Variants in NCALD observed in about 807,000 individuals in gnomAD.
NCALD encodes the protein neurocalcin delta.
A neutral mutation model predicts 18.6 loss-of-function variants in NCALD; 10 were observed. The ratio of observed to expected loss-of-function variants is 0.54; its 90% CI spans 0.33 to 0.91. NCALD has a LOEUF of 0.91. Ranked by LOEUF, NCALD falls within the 40% of genes least tolerant of loss-of-function variation. The probability of loss-of-function intolerance (pLI) is 0.03; values close to 1 mark genes in which losing one functional copy is unlikely to be tolerated. For synonymous variants in NCALD, 88 were observed against 87.4 expected, an observed-to-expected ratio of 1.01 and a Z score of -0.04; for missense variants, 184 against 247.6, an observed-to-expected ratio of 0.74 and a Z score of 1.72.
chr8:102,057,179 G>A (rs1166114239), intron 1 of NCALD, among the ~76,000 whole-genome samples: 11 of 151,552 alleles, frequency 7.3e-5, no homozygotes, highest in South Asian at 2.1e-4. Flanking sequence ...TCTACTCTTC[G>A]TGCTCCCCTT....
chr8:102,052,693 G>C (rs769879192), intron 1 of NCALD, among the ~76,000 whole-genome samples: 2 of 152,160 alleles, frequency 1.3e-5, no homozygotes, highest in Non-Finnish European at 2.9e-5. Flanking sequence ...GCATGAAACT[G>C]GCCAACTTTT....
At chr8:101,861,230 T>C (rs1259277951) in intron 4 of NCALD, among the ~76,000 whole-genome samples, 1 of 152,012 alleles carries the variant, frequency 6.6e-6, no homozygotes, top group Non-Finnish European at 1.5e-5. Context: ...AAAACTAATA[T>C]GGGCAACTTT....
chr8:101,766,849 G>C (rs1400090114), intron 1 of NCALD, among the ~76,000 whole-genome samples: 1 of 152,192 alleles, frequency 6.6e-6, no homozygotes, highest in African/African-American at 2.4e-5. Context: ...AAAGTGCTGG[G>C]ATTACAAGCG....
chr8:101,858,743 A>G (rs1815421280), intron 4 of NCALD, among the ~76,000 whole-genome samples: 1 of 152,184 alleles, frequency 6.6e-6, no homozygotes, highest in Non-Finnish European at 1.5e-5. Flanking sequence ...TGTCTGGATG[A>G]TAGCCCCACG....
intron 3 of NCALD, chr8:101,690,557 C>A (rs1052259612): frequency 1.0e-6 from 1 of 985,394 alleles, no homozygotes; most frequent in Non-Finnish European, 1.2e-6. Context: ...TTACTCCAAA[C>A]CTGACAGGAG....
intron 4 of NCALD, among the ~76,000 whole-genome samples, chr8:101,817,584 A>G (rs539106389): frequency 0.019 from 2,952 of 152,018 alleles, 48 homozygotes; most frequent in Middle Eastern, 0.037. Flanking sequence ...ACCAAAAAAA[A>G]AAGGAAAGAG....
At chr8:102,083,270 T>A (rs1824610927) in intron 1 of NCALD, among the ~76,000 whole-genome samples, 1 of 152,228 alleles carries the variant, frequency 6.6e-6, no homozygotes, top group African/African-American at 2.4e-5. Flanking sequence ...TTGAAATAAT[T>A]TATAAATAGC....
At chr8:101,843,614 T>C (rs1814742681) in intron 4 of NCALD, among the ~76,000 whole-genome samples, 2 of 148,910 alleles carry the variant, frequency 1.3e-5, no homozygotes, top group African/African-American at 5.1e-5. Flanking sequence ...TCTTGCTCTG[T>C]CACACAGGCT....
At chr8:101,888,788 T>C (rs1470752159) in intron 3 of NCALD, among the ~76,000 whole-genome samples, 1 of 152,192 alleles carries the variant, frequency 6.6e-6, no homozygotes, top group Non-Finnish European at 1.5e-5. Flanking sequence ...GTTTATTAAA[T>C]ACATTTTACA....
intron 1 of NCALD, among the ~76,000 whole-genome samples, chr8:102,096,045 A>T (rs565169230): frequency 4.9e-4 from 75 of 152,328 alleles, no homozygotes; most frequent in Middle Eastern, 3.4e-3. Flanking sequence ...CCCTGCCTCT[A>T]ATAATGAAGA....
intron 1 of NCALD, among the ~76,000 whole-genome samples, chr8:102,040,554 A>C (rs372846778): frequency 6.6e-6 from 1 of 152,218 alleles, no homozygotes; most frequent in Non-Finnish European, 1.5e-5. Context: ...AACCTAGAGA[A>C]AGGTAACCTG....
At chr8:101,759,951 G>T (rs537622080) in intron 1 of NCALD, among the ~76,000 whole-genome samples, 3 of 152,242 alleles carry the variant, frequency 2.0e-5, no homozygotes, top group African/African-American at 7.2e-5. Context: ...TAAGGGCAGT[G>T]GCGCTTGCAT....
intron 2 of NCALD, among the ~76,000 whole-genome samples, chr8:101,939,646 A>G (rs1334507744): frequency 1.3e-5 from 2 of 152,268 alleles, no homozygotes; most frequent in Non-Finnish European, 2.9e-5. Context: ...AACCCTATCC[A>G]AATAGCTACA....
At position 101,688,911 on chromosome 8, in the gene NCALD, A is replaced by G. The variant is rs1457121378; in HGVS notation, c.*398T>C. The stretch of plus-strand genomic sequence containing the variant: ...CTACGGCACGTGTGACAACAGATTC[A>G]GGTGGGGAGTTTTGTCTTTCAAACA... On this transcript the variant is annotated 3_prime_UTR_variant, in exon 4 of 4. Coordinates refer to ENST00000220931, the MANE Select transcript of NCALD (RefSeq NM_032041.3). The G allele has an allele frequency of 4.8e-6, 3 of 624,074 alleles. No homozygotes were observed. Among genetic ancestry groups the G allele is most frequent in the Non-Finnish European group, 8.5e-6 (3 of 351,686 alleles). The allele number at this position is 624,074 out of a possible 1,614,324, so 38.7% of individuals were successfully genotyped here. A position where few individuals can be genotyped will look rare whatever the true frequency, so the allele number is the denominator to read the frequency against.
chr8:102,102,991 A>G (rs1201353431), intron 1 of NCALD, among the ~76,000 whole-genome samples: 2 of 152,192 alleles, frequency 1.3e-5, no homozygotes, highest in East Asian at 1.9e-4. Context: ...TGATTGATAA[A>G]CCAGAAGGCC....
At chr8:101,763,452 G>A (rs1811198931) in intron 1 of NCALD, among the ~76,000 whole-genome samples, 3 of 152,166 alleles carry the variant, frequency 2.0e-5, no homozygotes, top group African/African-American at 7.2e-5. Context: ...CAATGACAGG[G>A]AAAGGTACAG....
At chr8:101,863,843 G>A (rs1312501996) in intron 4 of NCALD, among the ~76,000 whole-genome samples, 7 of 152,086 alleles carry the variant, frequency 4.6e-5, no homozygotes, top group Non-Finnish European at 4.4e-5. Context: ...GACCATTGGG[G>A]GAAGACTTAC....
chr8:101,982,881 A>C (rs1820675239), intron 2 of NCALD, among the ~76,000 whole-genome samples: 1 of 152,030 alleles, frequency 6.6e-6, no homozygotes. Flanking sequence ...GTCATGTAAC[A>C]TATGTTCTGT....
intron 2 of NCALD, among the ~76,000 whole-genome samples, chr8:102,017,515 A>G (rs1040362092): frequency 6.6e-6 from 1 of 152,132 alleles, no homozygotes; most frequent in African/African-American, 2.4e-5. Context: ...GGTGTTTGAG[A>G]CCAGCCCTGT....
Sources: allele counts gnomAD v4.1 joint callset (sites outside exome capture counted in the v4.1 genomes callset), GRCh38; gene constraint gnomAD v4.1.1; transcripts MANE v1.5; gene names NCBI Gene and HGNC (gene_info 2026-07-23, HGNC 2026-07-21).